Variants in PARD3B observed in about 807,000 individuals in gnomAD.
PARD3B encodes the protein par-3 family cell polarity regulator beta.
PARD3B carries 103 observed loss-of-function variants against 130.2 expected under a neutral mutation model. The ratio of observed to expected loss-of-function variants is 0.79; its 90% CI spans 0.67 to 0.93. PARD3B has a LOEUF of 0.93. Ranked by LOEUF, PARD3B falls within the 40% of genes least tolerant of loss-of-function variation. The pLI is 0.00. For missense variants in PARD3B, 1,609 were observed against 1,499.2 expected (o/e 1.07, Z -1.21); for synonymous variants, 583 against 553.2 (o/e 1.05, Z -0.76).
intron 1 of PARD3B, among the ~76,000 whole-genome samples, chr2:204,639,658 G>A (rs1344093362): frequency 6.6e-6 from 1 of 152,134 alleles, no homozygotes; most frequent in Admixed American, 6.5e-5. Context: ...ATGTGTGTGG[G>A]TTATATGTAA....
At position 204,715,934 on chromosome 2, in the gene PARD3B, G is replaced by A. The variant is rs376242764; in HGVS notation, c.222+29652G>A. On this transcript the variant is annotated intron_variant, in intron 2 of 22. Coordinates refer to ENST00000406610, the MANE Select transcript of PARD3B (RefSeq NM_001302769.2). ...CACTCCTCAGTTTGAACTGTCACTCGCCTGGCACACAGATTCATAGGCCTC... is the reference window on the plus strand; with the variant it reads ...CACTCCTCAGTTTGAACTGTCACTCACCTGGCACACAGATTCATAGGCCTC... Among the ~76,000 whole-genome samples the A allele has an allele frequency of 4.6e-4, 70 of 152,026 alleles. 1 individual carries two copies. In the South Asian group the frequency reaches 0.014, roughly 30 times the overall value.
intron 22 of PARD3B, among the ~76,000 whole-genome samples, chr2:205,601,318 G>A (rs1309770271): frequency 1.3e-5 from 2 of 152,110 alleles, no homozygotes; most frequent in Non-Finnish European, 2.9e-5. Flanking sequence ...AGAAGTGTCT[G>A]TTCATGTCCT....
chr2:205,121,728 A>G lies in PARD3B; in HGVS notation c.944A>G (p.Lys315Arg). Residue 315 changes from lysine to arginine, a missense_variant, in exon 8 of 23, where the codon AAA (lysine) becomes AGA (arginine). Lys to Arg is a conservative substitution (Grantham distance 26). Coordinates refer to ENST00000406610, the MANE Select transcript of PARD3B (RefSeq NM_001302769.2). The surrounding 1 kb of genome is among the most constrained non-coding windows in gnomAD (Gnocchi z 5.0). Reference sequence around the variant, plus strand: ...TTTGGTAATAATGATGGCGTTTTGAAAACCAAAGTGCCGCCTCCTGTCCAT... The same window carrying G: ...TTTGGTAATAATGATGGCGTTTTGAGAACCAAAGTGCCGCCTCCTGTCCAT... ...NIFGNNDGVL[K>R]TKVPPPVHGK... 1.2e-6 allele frequency: 2 copies of G among 1,614,156 alleles called. No homozygotes were observed. Among genetic ancestry groups the G allele is most frequent in the Non-Finnish European group, 1.7e-6 (2 of 1,180,034 alleles).
chr2:204,983,046 C>G (rs1692811078), intron 3 of PARD3B, among the ~76,000 whole-genome samples: 1 of 152,074 alleles, frequency 6.6e-6, no homozygotes, highest in Admixed American at 6.5e-5. Flanking sequence ...ATGATTGCCT[C>G]CATTTTCTAC....
chr2:204,812,006 G>T (rs1309501400), intron 2 of PARD3B, among the ~76,000 whole-genome samples: 1 of 151,958 alleles, frequency 6.6e-6, no homozygotes, highest in African/African-American at 2.4e-5. Flanking sequence ...CCATTTTTCT[G>T]AATGTTTCTG....
Position 205,390,825 on chromosome 2 carries a change from G to A in PARD3B, c.2631-10188G>A, listed in dbSNP as rs141090446. Among the ~76,000 whole-genome samples, 595 of 152,272 alleles carry A rather than the reference G, an allele frequency of 3.9e-3. 5 individuals are homozygous for A. Among genetic ancestry groups the A allele is most frequent in the African/African-American group, 0.013 (550 of 41,556 alleles). ...TCCGATCATGGAATATATACAAATT[G>A]CCCATGTGTTACTTTATGCTATGGA... is the stretch of plus-strand genomic sequence containing the variant. On this transcript the variant is annotated intron_variant, in intron 18 of 22. Coordinates refer to ENST00000406610, the MANE Select transcript of PARD3B (RefSeq NM_001302769.2).
chr2:205,409,838 A>T (rs1354547483), intron 19 of PARD3B, among the ~76,000 whole-genome samples: 2 of 152,204 alleles, frequency 1.3e-5, no homozygotes, highest in Non-Finnish European at 2.9e-5. Context: ...AAGGAATTAT[A>T]CTGAATTACC....
At chr2:205,114,045 T>G (rs905763404) in intron 6 of PARD3B, among the ~76,000 whole-genome samples, 4 of 152,152 alleles carry the variant, frequency 2.6e-5, no homozygotes, top group African/African-American at 9.6e-5. Context: ...GCTGTGTATG[T>G]ATGATGGCTT....
Position 205,527,756 on chromosome 2 carries a change from T to C in PARD3B, c.3181-25568T>C, listed in dbSNP as rs367971877. On this transcript the variant is annotated intron_variant, in intron 21 of 22. Coordinates refer to ENST00000406610, the MANE Select transcript of PARD3B (RefSeq NM_001302769.2). ...TAGAGAGTACATACCTGATAAATGCTTGTTGAATTGGGCAGCATTGTTTCT... is the reference window on the plus strand; with the variant it reads ...TAGAGAGTACATACCTGATAAATGCCTGTTGAATTGGGCAGCATTGTTTCT... 2.3e-4 allele frequency among the ~76,000 whole-genome samples: 35 copies of C among 152,298 alleles called. 1 individual carries two copies. The highest frequency in any genetic ancestry group is 7.9e-4 in the African/African-American group (33 of 41,576).
intron 18 of PARD3B, among the ~76,000 whole-genome samples, chr2:205,340,235 A>G (rs931440331): frequency 1.3e-5 from 2 of 152,092 alleles, no homozygotes; most frequent in African/African-American, 4.8e-5. Flanking sequence ...GTATAAAGGT[A>G]TAAATGAAAT....
chr2:204,787,553 G>A (rs564233026), intron 2 of PARD3B, among the ~76,000 whole-genome samples: 7 of 152,196 alleles, frequency 4.6e-5, no homozygotes, highest in East Asian at 1.9e-4. Context: ...CTGGAGAGTC[G>A]ACATGATACT....
chr2:205,330,067 A>T (rs1350327335), intron 18 of PARD3B, among the ~76,000 whole-genome samples: 1 of 151,124 alleles, frequency 6.6e-6, no homozygotes, highest in African/African-American at 2.4e-5. Flanking sequence ...TAGGCTGGGC[A>T]CGGTGGCTCA....
intron 1 of PARD3B, among the ~76,000 whole-genome samples, chr2:204,601,275 TA>T (rs1300071748): frequency 6.6e-6 from 1 of 151,960 alleles, no homozygotes; most frequent in Non-Finnish European, 1.5e-5. Context: ...AGAGTCATCT[TA>T]ATGAGTGTCA....
chr2:205,125,887 G>T lies in PARD3B; in HGVS notation c.1434+150G>T. ...CTCAGGGTATTTTACCCCATTTGGG[G>T]TATCGCATTTTTAAAACATTGATAC... On this transcript the variant is annotated intron_variant, in intron 10 of 22. Coordinates refer to ENST00000406610, the MANE Select transcript of PARD3B (RefSeq NM_001302769.2). This position sits in a 1 kb window ranked among gnomAD's most constrained non-coding sequence, Gnocchi z 4.0. 1 of 1,113,124 alleles carries T rather than the reference G, an allele frequency of 9.0e-7. No individual in the cohort carries two copies. The highest frequency in any genetic ancestry group is 1.6e-5 in the South Asian group (1 of 63,954). The allele number at this position is 1,113,124 out of a possible 1,614,324, so 69.0% of individuals were successfully genotyped here. A position where few individuals can be genotyped will look rare whatever the true frequency, so the allele number is the denominator to read the frequency against.
At chr2:204,555,265 A>G (rs1438252198) in intron 1 of PARD3B, among the ~76,000 whole-genome samples, 3 of 152,094 alleles carry the variant, frequency 2.0e-5, no homozygotes, top group African/African-American at 4.8e-5. Context: ...CTAATAAATT[A>G]TATCCATGAA....
chr2:204,874,880 A>T (rs1298995849), intron 2 of PARD3B, among the ~76,000 whole-genome samples: 1 of 152,164 alleles, frequency 6.6e-6, no homozygotes, highest in African/African-American at 2.4e-5. Context: ...TTTTTGTGAA[A>T]TTCATCCATA....
chr2:205,329,074 G>A (rs1366132525), intron 18 of PARD3B, among the ~76,000 whole-genome samples: 1 of 151,952 alleles, frequency 6.6e-6, no homozygotes, highest in Non-Finnish European at 1.5e-5. Context: ...CTCCTTCTCT[G>A]GCATGCCATT....
chr2:204,546,162 C>G, intron 1 of PARD3B, 43 bp downstream of exon 1: 1 of 1,548,210 alleles, frequency 6.5e-7, no homozygotes, highest in Non-Finnish European at 8.7e-7. Flanking sequence ...GCAGCCAAGG[C>G]ACCTGCCAGG....
intron 21 of PARD3B, among the ~76,000 whole-genome samples, chr2:205,517,774 G>T (rs1480275758): frequency 6.6e-6 from 1 of 152,254 alleles, no homozygotes; most frequent in Admixed American, 6.5e-5. Context: ...AGAGATTCTG[G>T]TATGTTGTGT....
Sources: allele counts gnomAD v4.1 joint callset (sites outside exome capture counted in the v4.1 genomes callset), GRCh38; gene constraint gnomAD v4.1.1; non-coding constraint Gnocchi (gnomAD v3.1); transcripts MANE v1.5; gene names NCBI Gene and HGNC (gene_info 2026-07-23, HGNC 2026-07-21).